DZIP1L: variants seen among roughly 807,000 people sequenced by gnomAD.
DZIP1L encodes the protein cilium assembly protein DZIP1L.
In DZIP1L, 90 loss-of-function variants were observed where a neutral mutation model predicts 88.7. The ratio of observed to expected loss-of-function variants is 1.02; its 90% CI spans 0.86 to 1.21. The LOEUF is 1.21. DZIP1L is among the 50% of genes most tolerant of loss of function. The pLI is 0.00. For missense variants in DZIP1L, 932 were observed against 955.8 expected (o/e 0.98, Z 0.33); for synonymous variants, 363 against 372.1 (o/e 0.98, Z 0.28).
At chr3:138,114,328 G>A (rs1461492432) in intron 1 of DZIP1L, among the ~76,000 whole-genome samples, 2 of 152,062 alleles carry the variant, frequency 1.3e-5, no homozygotes, top group African/African-American at 4.8e-5. Context: ...CATGAACTCA[G>A]GTTTCTGTTC....
chr3:138,068,265 G>A lies in DZIP1L; in HGVS notation c.1718C>T (p.Thr573Ile). The A allele has an allele frequency of 1.9e-6, 3 of 1,599,192 alleles. No homozygotes were observed. Among genetic ancestry groups the A allele is most frequent in the Non-Finnish European group, 2.6e-6 (3 of 1,172,490 alleles). The change falls in exon 13 of 16, where the codon ACT (threonine) becomes ATT (isoleucine). Residue 573 changes from threonine (T) to isoleucine (I), a missense_variant. By Grantham distance (89) the Thr-to-Ile change is moderately conservative. Coordinates refer to ENST00000327532, the MANE Select transcript of DZIP1L (RefSeq NM_173543.3). ...PSTPAEPPPP[T>I]RQSHGSHGSS... ...GCCATGGCTGCCATGGCTCTGACGA[G>A]TTGGTGGGGGTGGCTCTGCCGGTGT...
Position 138,062,605 on chromosome 3 carries a change from C to T in DZIP1L, c.*211G>A. On this transcript the variant is annotated 3_prime_UTR_variant, in exon 16 of 16. Transcript: ENST00000327532. ...TTTCTCAAGCCTGGGGACCTAGGGG[C>T]TCCTAGTCAGGCACCTGTGGCCATC... The T allele has an allele frequency of 1.9e-6, 1 of 531,754 alleles. No individual in the cohort carries two copies. The highest frequency in any genetic ancestry group is 3.4e-5 in the South Asian group (1 of 29,692). 32.9% of individuals were successfully genotyped at this position (531,754 alleles called of 1,614,324 possible). A position where few individuals can be genotyped will look rare whatever the true frequency, so the allele number is the denominator to read the frequency against.
intron 11 of DZIP1L, among the ~76,000 whole-genome samples, chr3:138,075,705 C>A (rs183939352): frequency 6.6e-6 from 1 of 152,248 alleles, no homozygotes; most frequent in African/African-American, 2.4e-5. Flanking sequence ...AAAAAGTCTG[C>A]GGCCTGGCGC....
At position 138,071,745 on chromosome 3, in the gene DZIP1L, A is replaced by G; in HGVS notation, c.1513T>C (p.Phe505Leu). The G allele has an allele frequency of 6.2e-7, 1 of 1,614,154 alleles. No individual in the cohort carries two copies. The highest frequency in any genetic ancestry group is 8.5e-7 in the Non-Finnish European group (1 of 1,180,028). The change falls in exon 12 of 16, where the codon TTT becomes CTT. Residue 505 changes from phenylalanine (F) to leucine (L), a missense_variant. By Grantham distance (22) the Phe-to-Leu change is conservative (BLOSUM62 0). Coordinates refer to ENST00000327532, the MANE Select transcript of DZIP1L (RefSeq NM_173543.3). ...ACAAGCTTTCCCCTCAGACTCAGAA[A>G]TTCAGAAAACTTCCGGGCCTTCTGC... The part of the protein sequence containing the change: ...REQKARKFSE[F>L]LSLRGKLVKE...
chr3:138,068,926 T>A (rs919851444), intron 12 of DZIP1L: 32 of 1,250,824 alleles, frequency 2.6e-5, no homozygotes, highest in Non-Finnish European at 3.0e-5. Flanking sequence ...GATCAGCAAG[T>A]TTTTATGGGA....
chr3:138,084,779 AAATGTG>A (rs561589872), intron 7 of DZIP1L, among the ~76,000 whole-genome samples: 12 of 152,338 alleles, frequency 7.9e-5, no homozygotes, highest in African/African-American at 1.4e-4. Context: ...TTGGAACAGG[AAATGTG>A]AATGTGAATG....
chr3:138,096,074 G>A (rs577526308), intron 3 of DZIP1L, among the ~76,000 whole-genome samples: 6 of 152,112 alleles, frequency 3.9e-5, no homozygotes, highest in Middle Eastern at 3.4e-3. Context: ...GAGATGTGGC[G>A]TTTCTCAGGT....
At chr3:138,093,924 T>C (rs1434155726) in intron 4 of DZIP1L, among the ~76,000 whole-genome samples, 2 of 152,232 alleles carry the variant, frequency 1.3e-5, no homozygotes, top group African/African-American at 4.8e-5. Flanking sequence ...TTCTTATCAT[T>C]TGTGTGGTCA....
chr3:138,081,967 T>G (rs987119305), intron 8 of DZIP1L: 1 of 466,740 alleles, frequency 2.1e-6, no homozygotes, highest in Admixed American at 4.1e-5. Flanking sequence ...AATGGCAGCA[T>G]GCTCCATTTT....
chr3:138,095,100 C>G (rs114923667), intron 3 of DZIP1L, 117 bp from the exon 4 acceptor site: 184 of 1,480,300 alleles, frequency 1.2e-4, no homozygotes, highest in Non-Finnish European at 1.3e-4. Flanking sequence ...CTACTTAGTA[C>G]GTTGACATTG....
intron 2 of DZIP1L, chr3:138,101,484 G>C (rs911932434): frequency 9.0e-6 from 7 of 778,978 alleles, no homozygotes; most frequent in African/African-American, 8.4e-5. Context: ...CTGTTCACTT[G>C]GGCAGGACGT....
chr3:138,103,453 C>T lies in DZIP1L; in HGVS notation c.501+18G>A. 6.3e-7 allele frequency: 1 copy of T among 1,582,194 alleles called. No homozygotes were observed. Among genetic ancestry groups the T allele is most frequent in the East Asian group, 2.2e-5 (1 of 44,480 alleles). On this transcript the variant is annotated intron_variant, in intron 2 of 15. Coordinates refer to ENST00000327532, the MANE Select transcript of DZIP1L (RefSeq NM_173543.3). ...CACACAGCCCTCCCACTCTCCCTGC[C>T]TGGTGGAGATTCCTCACCGTGTGGT...
At chr3:138,107,506 T>C (rs1018562642) in intron 1 of DZIP1L, among the ~76,000 whole-genome samples, 1 of 152,162 alleles carries the variant, frequency 6.6e-6, no homozygotes, top group East Asian at 1.9e-4. Flanking sequence ...TCTTTATAAA[T>C]TACCCAGTCT....
intron 5 of DZIP1L, among the ~76,000 whole-genome samples, chr3:138,090,206 TAGG>T (rs1470425564): frequency 1.3e-5 from 2 of 152,060 alleles, no homozygotes; most frequent in Non-Finnish European, 2.9e-5. Context: ...TGTTCCAGTT[TAGG>T]AGAACATGAT....
At chr3:138,102,501 A>G (rs1344939416) in intron 2 of DZIP1L, 1 of 1,325,372 alleles carries the variant, frequency 7.5e-7, no homozygotes, top group African/African-American at 1.4e-5. Context: ...AGCTCTGAAC[A>G]TGTTGTCCAT....
intron 2 of DZIP1L, among the ~76,000 whole-genome samples, chr3:138,098,902 T>C (rs956339834): frequency 3.9e-5 from 6 of 152,116 alleles, no homozygotes; most frequent in African/African-American, 9.7e-5. Context: ...TCCTAGAACT[T>C]TGGGAGGCTG....
intron 5 of DZIP1L, among the ~76,000 whole-genome samples, chr3:138,090,109 G>A (rs1284990276): frequency 5.3e-5 from 8 of 151,736 alleles, no homozygotes; most frequent in African/African-American, 1.5e-4. Context: ...CACTGCACTC[G>A]AGCCTGGGCA....
intron 1 of DZIP1L, among the ~76,000 whole-genome samples, chr3:138,106,458 G>T (rs980239983): frequency 1.3e-5 from 2 of 151,684 alleles, no homozygotes; most frequent in African/African-American, 2.4e-5. Context: ...ACTTTAAAAA[G>T]TGCAATAGAA....
chr3:138,091,886 G>GTGTGT (rs1300594349), intron 5 of DZIP1L, among the ~76,000 whole-genome samples: 1 of 152,138 alleles, frequency 6.6e-6, no homozygotes, highest in Non-Finnish European at 1.5e-5. Context: ...AGTCATAAAT[G>GTGTGT]TGTGACCTCT....
Sources: gnomAD v4.1 joint callset for allele counts (sites outside exome capture counted in the v4.1 genomes callset) on GRCh38, gnomAD v4.1.1 for gene constraint, MANE v1.5 for transcripts, NCBI Gene and HGNC (gene_info 2026-07-23, HGNC 2026-07-21) for gene names.